The following RABL6 variants were observed in gnomAD, a reference collection of about 807,000 sequenced individuals.
The protein encoded by RABL6 is rab-like protein 6.
A neutral mutation model predicts 72.9 loss-of-function variants in RABL6; 28 were observed. The ratio of observed to expected loss-of-function variants is 0.38; its 90% CI spans 0.28 to 0.53. The LOEUF (loss-of-function observed/expected upper bound fraction) is 0.53, where lower values mean the gene tolerates loss of function less well. Ranked by LOEUF, RABL6 falls within the 20% of genes least tolerant of loss-of-function variation. The probability of loss-of-function intolerance (pLI) is 0.80; values close to 1 mark genes in which losing one functional copy is unlikely to be tolerated. For missense variants in RABL6, 1,029 were observed against 1,008.4 expected, an observed-to-expected ratio of 1.02 and a Z score of -0.28; for synonymous variants, 477 against 421.2, an observed-to-expected ratio of 1.13 and a Z score of -1.62.
intron 4 of RABL6, 76 bp downstream of exon 4, chr9:136,828,622 C>G: frequency 3.4e-6 from 5 of 1,490,586 alleles, no homozygotes; most frequent in Non-Finnish European, 4.6e-6. Context: ...GCGCTTCACA[C>G]GCTTTTGACC....
At chr9:136,839,637 C>G in intron 12 of RABL6, 57 bp from the exon 13 acceptor site, 1 of 1,546,866 alleles carries the variant, frequency 6.5e-7, no homozygotes, top group African/African-American at 1.4e-5. Context: ...TGAGATCCCA[C>G]AACCCCTGGG....
chr9:136,820,455 T>C (rs1396072471), intron 1 of RABL6, among the ~76,000 whole-genome samples: 1 of 151,154 alleles, frequency 6.6e-6, no homozygotes, highest in South Asian at 2.2e-4. Context: ...CACTGCAACC[T>C]CCACCTCCTG....
At chr9:136,816,161 G>A (rs911608335) in intron 1 of RABL6, among the ~76,000 whole-genome samples, 10 of 152,306 alleles carry the variant, frequency 6.6e-5, no homozygotes, top group Non-Finnish European at 1.5e-4. Flanking sequence ...CTGGAGTGCA[G>A]TGGCGCAATC....
chr9:136,824,316 G>C (rs1848304875), intron 2 of RABL6, among the ~76,000 whole-genome samples: 1 of 143,876 alleles, frequency 7.0e-6, no homozygotes, highest in African/African-American at 2.6e-5. Context: ...TTGTTTTTTG[G>C]TTTGGTTGGG....
At chr9:136,837,811 C>T in intron 9 of RABL6, 51 bp from the exon 10 acceptor site, 2 of 1,542,764 alleles carry the variant, frequency 1.3e-6, no homozygotes, top group Non-Finnish European at 1.8e-6. Flanking sequence ...GGGTTGGGTG[C>T]AGTGAGGGTT....
At position 136,835,814 on chromosome 9, in the gene RABL6, C is replaced by A. The variant is rs1848574261; in HGVS notation, c.778C>A (p.Gln260Lys). 1.9e-6 allele frequency: 3 copies of A among 1,555,208 alleles called. No homozygotes were observed. Among genetic ancestry groups the A allele is most frequent in the Non-Finnish European group, 2.6e-6 (3 of 1,150,658 alleles). The part of the protein sequence containing the change: ...MDATLEELSV[Q>K]QETEDQNYGI... ...CGCCACGCTGGAGGAGCTGTCGGTGCAGCAGGAGACGGAGGACCAGAACTA... is the reference window on the plus strand; with the variant it reads ...CGCCACGCTGGAGGAGCTGTCGGTGAAGCAGGAGACGGAGGACCAGAACTA... Residue 260 changes from glutamine to lysine, a missense_variant, in exon 8 of 15, where the codon CAG (glutamine) becomes AAG (lysine). This residue lies in a region of RABL6 where 434 missense variants were observed against 536.1 expected (regional missense o/e 0.81). Transcript: ENST00000311502.
intron 12 of RABL6, 45 bp from the exon 13 acceptor site, chr9:136,839,649 G>A (rs780836096): frequency 1.7e-5 from 26 of 1,553,112 alleles, no homozygotes; most frequent in Non-Finnish European, 2.2e-5. Flanking sequence ...ACCCCTGGGG[G>A]TGTGGGAGGG....
At chr9:136,824,266 C>G (rs1165562682) in intron 2 of RABL6, among the ~76,000 whole-genome samples, 1 of 149,068 alleles carries the variant, frequency 6.7e-6, no homozygotes, top group East Asian at 1.9e-4. Flanking sequence ...ATCGTGACAG[C>G]AAAAAGCCTT....
At chr9:136,840,115 T>A (rs1405165153) in intron 13 of RABL6, 39 bp from the exon 14 acceptor site, 5 of 1,612,466 alleles carry the variant, frequency 3.1e-6, no homozygotes, top group East Asian at 2.2e-5. Flanking sequence ...GGGTCCCCGT[T>A]GGCCTGAGTT....
In RABL6 at chr9:136,815,422, C is replaced by A; in HGVS notation, c.130+7096C>A. ...GTGACAGTCTCTTCTCCACAGCTGT[C>A]ATCTTCTTCATCTTCTGACATTTCC... On this transcript the variant is annotated intron_variant, in intron 1 of 14. Transcript: ENST00000311502. The A allele has an allele frequency of 1.1e-5, 3 of 271,506 alleles. No individual in the cohort carries two copies. The South Asian group carries it at 1.3e-4, about 12-fold the overall frequency. The allele number at this position is 271,506 out of a possible 1,614,324, so 16.8% of individuals were successfully genotyped here. A position where few individuals can be genotyped will look rare whatever the true frequency, so the allele number is the denominator to read the frequency against.
At chr9:136,809,640 A>C (rs1005487372) in intron 1 of RABL6, 3 of 159,616 alleles carry the variant, frequency 1.9e-5, no homozygotes, top group East Asian at 1.9e-4. Context: ...ATTTAAAAGA[A>C]AGTTGATGTC....
At chr9:136,822,201 G>GA in intron 1 of RABL6, 1 of 874,156 alleles carries the variant, frequency 1.1e-6, no homozygotes, top group Non-Finnish European at 1.5e-6. Flanking sequence ...ACCTGGGGGG[G>GA]GCGTTGCGGG....
intron 2 of RABL6, among the ~76,000 whole-genome samples, chr9:136,825,147 G>A (rs1424510446): frequency 2.6e-5 from 4 of 152,232 alleles, no homozygotes; most frequent in African/African-American, 4.8e-5. Flanking sequence ...GGTGCGGTGT[G>A]AGGCAGGCCT....
rs770441857 is a variant in RABL6 at position 136,829,434 on chromosome 9, G to A, written c.408G>A (p.Val136=). ...CCCTGGATGCTGAGTTCCTGGACGTGTACAAGAACTGCAACGGGGTGGTCA... is the reference window on the plus strand; with the variant it reads ...CCCTGGATGCTGAGTTCCTGGACGTATACAAGAACTGCAACGGGGTGGTCA... ...EMALDAEFLD[V]YKNCNGVVMM... Residue 136 remains valine (V), a synonymous_variant, in exon 5 of 15, where the codon GTG becomes GTA. Transcript: ENST00000311502. 1 of 1,587,296 alleles carries A rather than the reference G, an allele frequency of 6.3e-7. No individual in the cohort carries two copies. The highest frequency in any genetic ancestry group is 8.6e-7 in the Non-Finnish European group (1 of 1,167,078).
intron 2 of RABL6, among the ~76,000 whole-genome samples, chr9:136,823,925 G>T (rs906323383): frequency 1.3e-5 from 2 of 152,254 alleles, no homozygotes; most frequent in African/African-American, 4.8e-5. Context: ...GCACGCGGGC[G>T]CCTCGGGGGC....
At chr9:136,828,743 G>A (rs575258992) in intron 4 of RABL6, among the ~76,000 whole-genome samples, 197 bp downstream of exon 4, 22 of 152,256 alleles carry the variant, frequency 1.4e-4, no homozygotes, top group African/African-American at 4.3e-4. Flanking sequence ...ACCTGCACTC[G>A]ACAGACATCA....
At chr9:136,832,010 C>T in intron 6 of RABL6, 149 bp downstream of exon 6, 2 of 1,227,442 alleles carry the variant, frequency 1.6e-6, no homozygotes, top group South Asian at 3.1e-5. Flanking sequence ...TCACTGAAGC[C>T]TGGGTCTCCC....
chr9:136,832,404 T>C, intron 7 of RABL6, 34 bp downstream of exon 7: 2 of 1,520,402 alleles, frequency 1.3e-6, no homozygotes, highest in Non-Finnish European at 1.8e-6. Context: ...GAGTGGCTGC[T>C]GGTCTCTCAC....
chr9:136,819,033 C>A (rs1170083815), intron 1 of RABL6, among the ~76,000 whole-genome samples: 1 of 151,968 alleles, frequency 6.6e-6, no homozygotes, highest in Non-Finnish European at 1.5e-5. Flanking sequence ...TGAAAACCAC[C>A]TTGTCCAGGC....
Sources: allele counts gnomAD v4.1 joint callset (sites outside exome capture counted in the v4.1 genomes callset), GRCh38; gene constraint gnomAD v4.1.1; regional missense constraint gnomAD v4.1.1; transcripts MANE v1.5; gene names NCBI Gene and HGNC (gene_info 2026-07-23, HGNC 2026-07-21).